TSGA10IP: variants seen among roughly 807,000 people sequenced by gnomAD.
The protein encoded by TSGA10IP is testis-specific protein 10-interacting protein.
Under a neutral mutation model 63.2 loss-of-function variants are expected in TSGA10IP, and 64 were observed. That is an observed-to-expected ratio of 1.01 (90% CI 0.83 to 1.25). The LOEUF (loss-of-function observed/expected upper bound fraction) is 1.25, where lower values mean the gene tolerates loss of function less well. Among genes scored for constraint, TSGA10IP ranks in the 50% most tolerant of loss-of-function variants. The probability of loss-of-function intolerance (pLI) is 0.00; values close to 1 mark genes in which losing one functional copy is unlikely to be tolerated. For synonymous variants in TSGA10IP, 316 were observed against 298.3 expected, an observed-to-expected ratio of 1.06 and a Z score of -0.61; for missense variants, 681 against 710.1, an observed-to-expected ratio of 0.96 and a Z score of 0.47.
rs1854809297 is a variant in TSGA10IP at position 65,945,548 on chromosome 11, GCCTCACATA to G, written c.-125_-117del. On this transcript the variant is annotated 5_prime_UTR_variant, in exon 1 of 8. Coordinates refer to ENST00000532620, the Ensembl canonical transcript of TSGA10IP. ...TGAACTCTCTCCCAGAAGGAGATTG[GCCTCACATA>G]CCCCACTGACCCCTTCCTAGCATGC... is the stretch of plus-strand genomic sequence containing the variant. 7 of 1,019,110 alleles carry G rather than the reference GCCTCACATA, an allele frequency of 6.9e-6. No homozygotes were observed. In the Admixed American group the frequency reaches 1.9e-4, roughly 27 times the overall value. The allele number at this position is 1,019,110 out of a possible 1,614,324, so 63.1% of individuals were successfully genotyped here. A position where few individuals can be genotyped will look rare whatever the true frequency, so the allele number is the denominator to read the frequency against.
intron 1 of TSGA10IP, 45 bp from the exon 2 acceptor site, chr11:65,946,835 G>A: frequency 1.2e-6 from 2 of 1,601,048 alleles, no homozygotes; most frequent in South Asian, 1.1e-5. Flanking sequence ...CACAGTCCAG[G>A]AGGCTGCTCA....
chr11:65,959,326 C>T lies in TSGA10IP; in HGVS notation c.1547+12C>T, dbSNP rs746429500. The T allele has an allele frequency of 6.3e-5, 101 of 1,610,108 alleles. No homozygotes were observed. The highest frequency in any genetic ancestry group is 7.0e-5 in the Non-Finnish European group (82 of 1,179,222). On this transcript the variant is annotated intron_variant, in intron 7 of 7. Transcript: ENST00000532620. Reference sequence around the variant, plus strand: ...CCCAGGAAACCCAGGTGAGTCTCCCCGTCAGGTCAAGAACTGACTCTGCCA... The same window carrying T: ...CCCAGGAAACCCAGGTGAGTCTCCCTGTCAGGTCAAGAACTGACTCTGCCA...
chr11:65,952,513 A>G (rs1170880827), intron 4 of TSGA10IP, among the ~76,000 whole-genome samples: 2 of 151,906 alleles, frequency 1.3e-5, no homozygotes, highest in African/African-American at 4.8e-5. Context: ...CAGTGGCTCA[A>G]TCATGGCTCA....
chr11:65,952,717 G>A (rs1473184180), intron 4 of TSGA10IP, among the ~76,000 whole-genome samples: 3 of 151,588 alleles, frequency 2.0e-5, no homozygotes, highest in South Asian at 4.2e-4. Context: ...ATACCATTGT[G>A]TATATATACC....
chr11:65,945,658 G>A lies in TSGA10IP; in HGVS notation c.-18G>A, dbSNP rs376181848. Reference sequence around the variant, plus strand: ...GCCTGTTAGGCAGTTCTACGGTGCGGATGGGGGATGGGGCAGGATGGGGCA... The same window carrying A: ...GCCTGTTAGGCAGTTCTACGGTGCGAATGGGGGATGGGGCAGGATGGGGCA... On this transcript the variant is annotated 5_prime_UTR_variant, in exon 1 of 8. Coordinates refer to ENST00000532620, the Ensembl canonical transcript of TSGA10IP. The A allele has an allele frequency of 1.7e-5, 28 of 1,612,196 alleles. No individual in the cohort carries two copies. In the South Asian group the frequency reaches 2.9e-4, roughly 16 times the overall value.
In TSGA10IP at chr11:65,954,332, A is replaced by ATT. The variant is rs35473847; in HGVS notation, c.1322+609_1322+610dup. Among the ~76,000 whole-genome samples, 1,348 of 142,232 alleles carry ATT rather than the reference A, an allele frequency of 9.5e-3. 8 individuals carry two copies. The highest frequency in any genetic ancestry group is 0.016 in the Non-Finnish European group (1,036 of 65,426). 93.3% of individuals were successfully genotyped at this position (142,232 alleles called of 152,430 possible). On this transcript the variant is annotated intron_variant, in intron 5 of 7. Coordinates refer to ENST00000532620, the Ensembl canonical transcript of TSGA10IP. ...AGGCGCCCGCCACCACGCCCGGCTA[A>ATT]TTTTTTTTTTTTTTTGTATTTTTAG...
intron 4 of TSGA10IP, among the ~76,000 whole-genome samples, chr11:65,952,416 TTGTGTG>T (rs143966302): frequency 6.7e-6 from 1 of 149,800 alleles, no homozygotes; most frequent in Admixed American, 6.7e-5. Context: ...AAGCTTTCTT[TTGTGTG>T]TGTGTGTGTG....
chr11:65,952,052 C>T (rs1351075374), intron 4 of TSGA10IP, among the ~76,000 whole-genome samples: 1 of 152,054 alleles, frequency 6.6e-6, no homozygotes, highest in East Asian at 1.9e-4. Context: ...CAGGGTTTCA[C>T]CATGTTGGCC....
intron 5 of TSGA10IP, among the ~76,000 whole-genome samples, chr11:65,954,375 C>T (rs1281705248): frequency 4.0e-5 from 6 of 151,134 alleles, no homozygotes; most frequent in South Asian, 2.1e-4. Context: ...GGGGTTTCAC[C>T]GTGTTAGCCA....
chr11:65,958,899 C>A (rs755280607), exon 6 of TSGA10IP: 1 of 1,612,934 alleles, frequency 6.2e-7, no homozygotes, highest in Non-Finnish European at 8.5e-7. Flanking sequence ...GGAGCGACAG[C>A]GCTTTGCTGA....
At chr11:65,950,072 C>A (rs1282771872) in intron 4 of TSGA10IP, among the ~76,000 whole-genome samples, 1 of 146,156 alleles carries the variant, frequency 6.8e-6, no homozygotes, top group Admixed American at 6.8e-5. Flanking sequence ...AGGCTGGTTT[C>A]GAACTCCAGA....
chr11:65,952,643 T>C (rs1217742781), intron 4 of TSGA10IP, among the ~76,000 whole-genome samples: 2 of 149,996 alleles, frequency 1.3e-5, no homozygotes, highest in Non-Finnish European at 3.0e-5. Flanking sequence ...ACAGATGGGG[T>C]TTAAGGCTGA....
intron 1 of TSGA10IP, among the ~76,000 whole-genome samples, chr11:65,946,588 C>T (rs572925401): frequency 2.6e-5 from 4 of 152,262 alleles, no homozygotes; most frequent in African/African-American, 7.2e-5. Context: ...CAGGCCACCA[C>T]ACTCGGCTAA....
intron 4 of TSGA10IP, among the ~76,000 whole-genome samples, chr11:65,949,749 G>T (rs763738053): frequency 1.3e-5 from 2 of 150,886 alleles, no homozygotes; most frequent in Non-Finnish European, 2.9e-5. Flanking sequence ...TTATGTAATT[G>T]ATAAATAAAA....
rs781112966 is a variant in TSGA10IP at position 65,947,215 on chromosome 11, T to G, written c.390T>G (p.Pro130=). ...TGCTTCAGCCAAGCTCCCCAACCCC[T>G]GGCCACCAAGCCCTGCCCATGCCCT... is the stretch of plus-strand genomic sequence containing the variant. The change falls in exon 3 of 8, where the codon CCT becomes CCG. Residue 130 remains proline, a synonymous_variant. Transcript: ENST00000532620. 3.7e-6 allele frequency: 6 copies of G among 1,608,154 alleles called. No homozygotes were observed. In the East Asian group the frequency reaches 9.0e-5, roughly 24 times the overall value.
exon 3 of TSGA10IP, chr11:65,947,452 G>C (rs760643782): frequency 2.5e-6 from 4 of 1,613,594 alleles, no homozygotes; most frequent in Non-Finnish European, 3.4e-6. Context: ...GATCAGGATC[G>C]GCGTCCGACA....
intron 4 of TSGA10IP, among the ~76,000 whole-genome samples, chr11:65,950,154 C>G (rs1238957181): frequency 6.6e-6 from 1 of 151,690 alleles, no homozygotes; most frequent in Non-Finnish European, 1.5e-5. Flanking sequence ...CCCGGTCTTA[C>G]TTGATTTTTT....
At chr11:65,957,162 G>GT (rs1477610236) in intron 5 of TSGA10IP, among the ~76,000 whole-genome samples, 3 of 152,004 alleles carry the variant, frequency 2.0e-5, no homozygotes, top group African/African-American at 7.3e-5. Flanking sequence ...TCCTGTCATT[G>GT]TTTTTTTGAG....
At chr11:65,955,719 C>A (rs1208937324) in intron 5 of TSGA10IP, among the ~76,000 whole-genome samples, 1 of 152,142 alleles carries the variant, frequency 6.6e-6, no homozygotes, top group Non-Finnish European at 1.5e-5. Context: ...GTCAGTACGG[C>A]CCGCTCACCT....
Sources: gnomAD v4.1 joint callset for allele counts (sites outside exome capture counted in the v4.1 genomes callset) on GRCh38, gnomAD v4.1.1 for gene constraint, MANE v1.5 for transcripts, NCBI Gene and HGNC (gene_info 2026-07-23, HGNC 2026-07-21) for gene names.